The following RBFOX1 variants were observed in gnomAD, a reference collection of about 807,000 sequenced individuals.
RBFOX1 encodes the protein RNA binding protein fox-1 homolog 1.
In RBFOX1, 8 loss-of-function variants were observed where a neutral mutation model predicts 57.7. The observed-to-expected ratio is 0.14, with a 90% confidence interval of 0.08 to 0.25. The LOEUF (loss-of-function observed/expected upper bound fraction) is 0.25, where lower values mean the gene tolerates loss of function less well. Ranked by LOEUF, RBFOX1 falls within the 10% of genes least tolerant of loss-of-function variation. The probability of loss-of-function intolerance (pLI) is 1.00; values close to 1 mark genes in which losing one functional copy is unlikely to be tolerated. For synonymous variants in RBFOX1, 326 were observed against 222.4 expected (o/e 1.47, Z -4.15); for missense variants, 611 against 548.5 (o/e 1.11, Z -1.14).
rs1033648238 is a variant in RBFOX1 at position 5,401,674 on chromosome 16, C to T, written c.220-65542C>T. Among the ~76,000 whole-genome samples the T allele has an allele frequency of 9.0e-4, 137 of 152,174 alleles. 1 individual carries two copies. Among genetic ancestry groups the T allele is most frequent in the African/African-American group, 2.9e-3 (122 of 41,496 alleles). ...ATTTTTACATATTTAATCTTTCCAT[C>T]CAGGGAAGATTGGAAATTCACACTT... On this transcript the variant is annotated intron_variant, in intron 1 of 2. Transcript: ENST00000585867.
chr16:7,007,717 A>T (rs1384451770), intron 3 of RBFOX1, among the ~76,000 whole-genome samples: 1 of 152,136 alleles, frequency 6.6e-6, no homozygotes, highest in Non-Finnish European at 1.5e-5. Flanking sequence ...TCTTGACTAT[A>T]CAGGGTAAAC....
chr16:6,324,557 T>G (rs2082161249), intron 2 of RBFOX1, among the ~76,000 whole-genome samples: 1 of 152,104 alleles, frequency 6.6e-6, no homozygotes, highest in Non-Finnish European at 1.5e-5. Context: ...CACCATGCAC[T>G]TTAAACAACC....
Position 6,825,192 on chromosome 16 carries a change from GGGCTGACGTGTTTTGGGA to G in RBFOX1, c.-16+170548_-16+170565del, listed in dbSNP as rs2091964193. Among the ~76,000 whole-genome samples, 13 of 149,608 alleles carry G rather than the reference GGGCTGACGTGTTTTGGGA, an allele frequency of 8.7e-5. No homozygotes were observed. The South Asian group carries it at 2.8e-3, about 32-fold the overall frequency. ...GGTCAGATGATCCTTTCTTGTGGGGGGGCTGACGTGTTTTGGGAGGCTGCTTAGCAATTAACCTCACTG... is the reference window on the plus strand; with the variant it reads ...GGTCAGATGATCCTTTCTTGTGGGGGGGCTGCTTAGCAATTAACCTCACTG... On this transcript the variant is annotated intron_variant, in intron 3 of 15. Coordinates refer to ENST00000550418, the MANE Select transcript of RBFOX1 (RefSeq NM_018723.4).
chr16:6,034,633 G>A (rs1337103554), intron 1 of RBFOX1, among the ~76,000 whole-genome samples: 1 of 152,176 alleles, frequency 6.6e-6, no homozygotes, highest in Non-Finnish European at 1.5e-5. Flanking sequence ...TTGCATTGGA[G>A]AATAAGTTTG....
At chr16:6,332,232 A>G (rs2083125342) in intron 2 of RBFOX1, among the ~76,000 whole-genome samples, 1 of 152,222 alleles carries the variant, frequency 6.6e-6, no homozygotes, top group Non-Finnish European at 1.5e-5. Context: ...AGAGACTTGT[A>G]TGGCAACGTA....
chr16:6,950,614 G>A (rs974220672), intron 3 of RBFOX1, among the ~76,000 whole-genome samples: 1 of 152,158 alleles, frequency 6.6e-6, no homozygotes, highest in Non-Finnish European at 1.5e-5. Context: ...ATATGCAGGT[G>A]CTGTGTGCCT....
At chr16:6,903,296 C>T (rs369407907) in intron 3 of RBFOX1, among the ~76,000 whole-genome samples, 2 of 152,126 alleles carry the variant, frequency 1.3e-5, no homozygotes, top group Non-Finnish European at 2.9e-5. Context: ...CTGACCGTTC[C>T]TAGAGAGGTC....
chr16:6,620,010 C>G (rs2098203793), intron 2 of RBFOX1, among the ~76,000 whole-genome samples: 1 of 152,200 alleles, frequency 6.6e-6, no homozygotes, highest in South Asian at 2.1e-4. Flanking sequence ...GCCTCCACTT[C>G]CATCCATGTT....
At chr16:5,729,688 G>C (rs369274054) in intron 3 of RBFOX1, among the ~76,000 whole-genome samples, 1 of 152,110 alleles carries the variant, frequency 6.6e-6, no homozygotes. Context: ...TCAGGTATTT[G>C]GGTAGGGCTG....
At chr16:7,627,050 C>A (rs139082228) in intron 10 of RBFOX1, among the ~76,000 whole-genome samples, 1 of 151,704 alleles carries the variant, frequency 6.6e-6, no homozygotes, top group Non-Finnish European at 1.5e-5. Flanking sequence ...AACTAATTCA[C>A]CCCTGAGGAC....
chr16:6,581,957 C>A (rs922653474), intron 2 of RBFOX1, among the ~76,000 whole-genome samples: 1 of 152,162 alleles, frequency 6.6e-6, no homozygotes. Flanking sequence ...TTTTGCTTCC[C>A]AAAGGATATT....
At chr16:7,003,864 A>G (rs2093057481) in intron 3 of RBFOX1, 2 of 152,140 alleles carry the variant, frequency 1.3e-5, no homozygotes, top group African/African-American at 2.4e-5. Flanking sequence ...TGGTTTTCAG[A>G]TGATTGGTTA....
intron 2 of RBFOX1, among the ~76,000 whole-genome samples, chr16:6,585,811 A>G (rs142457458): frequency 5.4e-4 from 82 of 152,242 alleles, no homozygotes; most frequent in African/African-American, 1.9e-3. Context: ...CCTCTTTGAC[A>G]ATTTGTGTAG....
At chr16:5,788,000 G>C (rs1567542411) in intron 3 of RBFOX1, among the ~76,000 whole-genome samples, 1 of 152,174 alleles carries the variant, frequency 6.6e-6, no homozygotes, top group Non-Finnish European at 1.5e-5. Context: ...TCCAGCGGGG[G>C]CAGGAAATGA....
intron 2 of RBFOX1, among the ~76,000 whole-genome samples, chr16:6,604,590 G>T (rs1351585433): frequency 6.6e-6 from 1 of 152,174 alleles, no homozygotes; most frequent in East Asian, 1.9e-4. Context: ...TAAAGCAATG[G>T]TGGCAAGCTC....
intron 4 of RBFOX1, among the ~76,000 whole-genome samples, chr16:5,913,702 C>G (rs1200631832): frequency 6.6e-6 from 1 of 152,202 alleles, no homozygotes. Context: ...ACAGGTGTAT[C>G]ACCAGATCCT....
chr16:6,895,840 G>A (rs955844784), intron 3 of RBFOX1, among the ~76,000 whole-genome samples: 19 of 152,012 alleles, frequency 1.2e-4, no homozygotes, highest in African/African-American at 4.3e-4. Flanking sequence ...CTTGGGATCA[G>A]TGTTACCATG....
intron 1 of RBFOX1, among the ~76,000 whole-genome samples, chr16:5,347,639 C>T (rs2065170158): frequency 6.7e-6 from 1 of 149,538 alleles, no homozygotes; most frequent in Non-Finnish European, 1.5e-5. Flanking sequence ...CATCCACCCA[C>T]CCATCTACCC....
At chr16:7,221,660 C>A (rs530783723) in intron 4 of RBFOX1, among the ~76,000 whole-genome samples, 1 of 152,214 alleles carries the variant, frequency 6.6e-6, no homozygotes, top group Non-Finnish European at 1.5e-5. Flanking sequence ...AGCCACTGCA[C>A]CTGCCGTTGA....
Sources: gnomAD v4.1 joint callset for allele counts (sites outside exome capture counted in the v4.1 genomes callset) on GRCh38, gnomAD v4.1.1 for gene constraint, MANE v1.5 for transcripts, NCBI Gene and HGNC (gene_info 2026-07-23, HGNC 2026-07-21) for gene names.